Variants in DUSP4 observed in about 807,000 individuals in gnomAD.
DUSP4 encodes the protein dual specificity protein phosphatase 4.
Under a neutral mutation model 27.2 loss-of-function variants are expected in DUSP4, and 12 were observed. The observed-to-expected ratio is 0.44, with a 90% confidence interval of 0.28 to 0.71. DUSP4 has a LOEUF of 0.71. Among genes scored for constraint, DUSP4 ranks in the 30% least tolerant of loss-of-function variants. DUSP4 has a pLI of 0.14. For synonymous variants in DUSP4, 257 were observed against 245.2 expected, an observed-to-expected ratio of 1.05 and a Z score of -0.45; for missense variants, 448 against 551.3, an observed-to-expected ratio of 0.81 and a Z score of 1.88.
Position 29,350,123 on chromosome 8 carries a change from C to G in DUSP4, c.156G>C (p.Pro52=). Residue 52 remains proline, a synonymous_variant, in exon 1 of 4, where the codon CCG becomes CCC. Coordinates refer to ENST00000240100, the MANE Select transcript of DUSP4 (RefSeq NM_001394.7). Reference sequence around the variant, plus strand: ...TGTAGCCCGCGCTGTGCGCCAGGAACGGTCTGCAGTCCAGCAGCAGGCACT... The same window carrying G: ...TGTAGCCCGCGCTGTGCGCCAGGAAGGGTCTGCAGTCCAGCAGCAGGCACT... The part of the protein sequence containing the change: ...GGKCLLLDCR[P]FLAHSAGYIL... 2 of 1,609,380 alleles carry G rather than the reference C, an allele frequency of 1.2e-6. No individual in the cohort carries two copies. The highest frequency in any genetic ancestry group is 1.7e-6 in the Non-Finnish European group (2 of 1,179,210).
chr8:29,338,611 T>A, intron 2 of DUSP4, 110 bp from the exon 3 acceptor site: 1 of 1,276,538 alleles, frequency 7.8e-7, no homozygotes. Context: ...CCAGGGAGAA[T>A]GCCTGCTGGG....
rs775054923 is a variant in DUSP4 at position 29,337,423 on chromosome 8, G to T, written c.800-12C>A. ...GTCCTTCACGGCATCTGGGGACAGG[G>T]TTCAATAGGTTAGTGCACGTTTCTG... On this transcript the variant is annotated splice_polypyrimidine_tract_variant and intron_variant, in intron 3 of 3. Transcript: ENST00000240100. The surrounding 1 kb of genome is among the most constrained non-coding windows in gnomAD (Gnocchi z 6.4). 6.3e-7 allele frequency: 1 copy of T among 1,590,038 alleles called. No homozygotes were observed. The highest frequency in any genetic ancestry group is 2.2e-5 in the East Asian group (1 of 44,770).
intron 2 of DUSP4, among the ~76,000 whole-genome samples, 199 bp downstream of exon 2, chr8:29,339,899 G>A (rs1817632171): frequency 6.7e-6 from 1 of 148,908 alleles, no homozygotes; most frequent in Non-Finnish European, 1.5e-5. Context: ...TGTAGTCCCA[G>A]CTACCAGGGA....
In DUSP4 at chr8:29,350,609, C is replaced by G; in HGVS notation, c.-331G>C. On this transcript the variant is annotated 5_prime_UTR_variant, in exon 1 of 4. Transcript: ENST00000240100. Reference sequence around the variant, plus strand: ...GCCTCCCGTGTATTTTTGCCGGTCGCGCGGCTCCTGTCGCCACTGGCGCCA... The same window carrying G: ...GCCTCCCGTGTATTTTTGCCGGTCGGGCGGCTCCTGTCGCCACTGGCGCCA... 3.4e-6 allele frequency: 1 copy of G among 297,348 alleles called. No individual in the cohort carries two copies. Among genetic ancestry groups the G allele is most frequent in the Admixed American group, 5.1e-5 (1 of 19,766 alleles). The allele number at this position is 297,348 out of a possible 1,614,324, so 18.4% of individuals were successfully genotyped here. A position where few individuals can be genotyped will look rare whatever the true frequency, so the allele number is the denominator to read the frequency against.
In DUSP4 at chr8:29,333,603, T is replaced by A. The variant is rs1817527186; in HGVS notation, c.*3423A>T. 1 of 152,244 alleles carries A rather than the reference T, an allele frequency of 6.6e-6. No individual in the cohort carries two copies. Among genetic ancestry groups the A allele is most frequent in the South Asian group, 2.1e-4 (1 of 4,834 alleles). The allele number at this position is 152,244 out of a possible 1,614,324, so 9.4% of individuals were successfully genotyped here. On this transcript the variant is annotated 3_prime_UTR_variant, in exon 4 of 4. Coordinates refer to ENST00000240100, the MANE Select transcript of DUSP4 (RefSeq NM_001394.7). The stretch of plus-strand genomic sequence containing the variant: ...GTTTCCACAAGACAACCTGGCTCTG[T>A]GCTGTCACACCCAGCCTCCAACAGC...
Position 29,336,957 on chromosome 8 carries a change from T to C in DUSP4, c.*69A>G. 6.9e-6 allele frequency: 10 copies of C among 1,459,340 alleles called. No homozygotes were observed. The highest frequency in any genetic ancestry group is 2.5e-5 in the East Asian group (1 of 40,336). 90.4% of individuals were successfully genotyped at this position (1,459,340 alleles called of 1,614,324 possible). A position where few individuals can be genotyped will look rare whatever the true frequency, so the allele number is the denominator to read the frequency against. On this transcript the variant is annotated 3_prime_UTR_variant, in exon 4 of 4. Transcript: ENST00000240100. ...GCTCCCAGCTGCTCAGTCCCAACTT[T>C]CTGCCCGCATGCGGCCCGTCCTACC...
At chr8:29,349,817 T>G in intron 1 of DUSP4, 29 bp downstream of exon 1, 2 of 1,471,340 alleles carry the variant, frequency 1.4e-6, no homozygotes, top group South Asian at 1.4e-5. Context: ...TCTCCCCGAC[T>G]CCAGCTAGCG....
intron 1 of DUSP4, among the ~76,000 whole-genome samples, chr8:29,344,903 C>T (rs572431125): frequency 6.6e-6 from 1 of 151,914 alleles, no homozygotes; most frequent in Admixed American, 6.6e-5. Flanking sequence ...TGCAGTGGCA[C>T]GATTATGGCT....
chr8:29,342,916 C>T (rs1476217867), intron 1 of DUSP4, among the ~76,000 whole-genome samples: 1 of 152,118 alleles, frequency 6.6e-6, no homozygotes, highest in African/African-American at 2.4e-5. Flanking sequence ...GCCTGTAATC[C>T]CAGCACTTTG....
rs947244151 is a variant in DUSP4, at chr8:29,334,437, G to A, written c.*2589C>T. On this transcript the variant is annotated 3_prime_UTR_variant, in exon 4 of 4. Coordinates refer to ENST00000240100, the MANE Select transcript of DUSP4 (RefSeq NM_001394.7). ...TTTATTTCTAAAAGTTTTGGGACTC[G>A]TGCTGTTATCAAGTACAATGAAAAT... 1.3e-5 allele frequency: 2 copies of A among 152,172 alleles called. No individual in the cohort carries two copies. The highest frequency in any genetic ancestry group is 1.3e-4 in the Admixed American group (2 of 15,280). The allele number at this position is 152,172 out of a possible 1,614,324, so 9.4% of individuals were successfully genotyped here.
chr8:29,339,831 C>A (rs1051080509), intron 2 of DUSP4, among the ~76,000 whole-genome samples: 33 of 134,396 alleles, frequency 2.5e-4, no homozygotes, highest in African/African-American at 8.5e-4. Context: ...TAGCAAGACC[C>A]CCCCCCCCCA....
intron 1 of DUSP4, chr8:29,345,742 TA>T: frequency 7.5e-7 from 1 of 1,336,796 alleles, no homozygotes; most frequent in East Asian, 3.1e-5. Context: ...TGTGACGGTC[TA>T]AAGGGTCAAA....
intron 1 of DUSP4, among the ~76,000 whole-genome samples, chr8:29,341,491 CCT>C (rs1817655276): frequency 6.6e-6 from 1 of 152,148 alleles, no homozygotes; most frequent in Non-Finnish European, 1.5e-5. Flanking sequence ...TACATTTTTT[CCT>C]CTCTGACCGG....
chr8:29,340,053 C>T (rs771396888), intron 2 of DUSP4, 45 bp downstream of exon 2: 48 of 1,545,524 alleles, frequency 3.1e-5, no homozygotes, highest in Middle Eastern at 2.2e-4. Flanking sequence ...CTGGCCCCTA[C>T]GCTGTTCCTG....
rs188872661 is a variant in DUSP4 at position 29,346,513 on chromosome 8, G to A, written c.433+3333C>T. Among the ~76,000 whole-genome samples the A allele has an allele frequency of 1.7e-3, 252 of 152,250 alleles. 2 individuals carry two copies. Among genetic ancestry groups the A allele is most frequent in the African/African-American group, 5.8e-3 (240 of 41,546 alleles). ...CTCAAACTCTAATCCAAGGATTTAC[G>A]AATGAGAGAGAAAGGGATTTCAAGA... is the stretch of plus-strand genomic sequence containing the variant. On this transcript the variant is annotated intron_variant, in intron 1 of 3. Transcript: ENST00000240100.
chr8:29,346,752 A>G (rs991119870), intron 1 of DUSP4, among the ~76,000 whole-genome samples: 70 of 152,362 alleles, frequency 4.6e-4, no homozygotes, highest in African/African-American at 1.5e-3. Context: ...TCTTGATATT[A>G]AGCGAAGTTT....
At chr8:29,338,737 A>G (rs1266006697) in intron 2 of DUSP4, among the ~76,000 whole-genome samples, 3 of 152,208 alleles carry the variant, frequency 2.0e-5, no homozygotes, top group Admixed American at 1.3e-4. Flanking sequence ...CAGGGCAGGT[A>G]AAGTCTTGTG....
Position 29,336,149 on chromosome 8 carries a change from C to G in DUSP4, c.*877G>C, listed in dbSNP as rs1223728763. On this transcript the variant is annotated 3_prime_UTR_variant, in exon 4 of 4. Coordinates refer to ENST00000240100, the MANE Select transcript of DUSP4 (RefSeq NM_001394.7). ...TTCTTCCCTTTCTTCCTCCTCCCAC[C>G]CAACCCGCCTGCTTCTCAAGATGAG... is the stretch of plus-strand genomic sequence containing the variant. The G allele has an allele frequency of 6.6e-6, 1 of 151,810 alleles. No individual in the cohort carries two copies. Among genetic ancestry groups the G allele is most frequent in the East Asian group, 1.9e-4 (1 of 5,178 alleles). 9.4% of individuals were successfully genotyped at this position (151,810 alleles called of 1,614,324 possible).
rs1817800893 is a variant in DUSP4 at position 29,350,127 on chromosome 8, C to G, written c.152G>C (p.Arg51Thr). The G allele has an allele frequency of 1.2e-6, 2 of 1,609,412 alleles. No homozygotes were observed. Among genetic ancestry groups the G allele is most frequent in the African/African-American group, 1.3e-5 (1 of 74,884 alleles). ...GCCCGCGCTGTGCGCCAGGAACGGT[C>G]TGCAGTCCAGCAGCAGGCACTTGCC... ...SGGKCLLLDCRPFLAHSAGYI... is the reference protein window; with the variant it reads ...SGGKCLLLDCTPFLAHSAGYI... The change falls in exon 1 of 4, where the codon AGA becomes ACA. Residue 51 changes from arginine (R) to threonine (T), a missense_variant. Arg to Thr is a moderately conservative substitution (Grantham distance 71). Around this residue, in one of 3 missense-constraint regions of DUSP4, gnomAD observed 345 missense variants for 394.0 expected, o/e 0.88. Transcript: ENST00000240100.
Sources: allele counts gnomAD v4.1 joint callset (sites outside exome capture counted in the v4.1 genomes callset), GRCh38; gene constraint gnomAD v4.1.1; regional missense constraint gnomAD v4.1.1; non-coding constraint Gnocchi (gnomAD v3.1); transcripts MANE v1.5; gene names NCBI Gene and HGNC (gene_info 2026-07-23, HGNC 2026-07-21).